CTNNA3: variants seen among roughly 807,000 people sequenced by gnomAD.
CTNNA3 encodes the protein catenin alpha 3, also known as catenin alpha-3.
In CTNNA3, 76 loss-of-function variants were observed where a neutral mutation model predicts 95.7. The observed-to-expected ratio is 0.79, with a 90% CI of 0.66 to 0.96. CTNNA3 has a LOEUF of 0.96. Ranked by LOEUF, CTNNA3 falls within the 40% of genes least tolerant of loss-of-function variation. The pLI is 0.00. For missense variants in CTNNA3, 1,191 were observed against 1,089.8 expected (o/e 1.09, Z -1.31); for synonymous variants, 431 against 374.4 (o/e 1.15, Z -1.74).
At chr10:66,444,659 G>C (rs1315920284) in intron 11 of CTNNA3, among the ~76,000 whole-genome samples, 1 of 152,064 alleles carries the variant, frequency 6.6e-6, no homozygotes, top group Non-Finnish European at 1.5e-5. Context: ...TGCCCTAAAA[G>C]AGCTCCTGAA....
rs1008437831 is a variant in CTNNA3, at chr10:67,540,599, T to A, written c.293-930A>T. ...TATATAGATACATGTTTTATATACATAAATGTATATGTATGTTTTATACAT... is the reference window on the plus strand; with the variant it reads ...TATATAGATACATGTTTTATATACAAAAATGTATATGTATGTTTTATACAT... On this transcript the variant is annotated intron_variant, in intron 3 of 17. Coordinates refer to ENST00000433211, the MANE Select transcript of CTNNA3 (RefSeq NM_013266.4). Among the ~76,000 whole-genome samples, 3 of 152,134 alleles carry A rather than the reference T, an allele frequency of 2.0e-5. No individual in the cohort carries two copies. In the East Asian group the frequency reaches 5.8e-4, roughly 29 times the overall value.
intron 5 of CTNNA3, among the ~76,000 whole-genome samples, chr10:67,510,016 T>C (rs1321770322): frequency 1.3e-5 from 2 of 152,260 alleles, no homozygotes; most frequent in African/African-American, 4.8e-5. Context: ...GTTCATATCC[T>C]TTCCTGACTT....
Position 66,253,162 on chromosome 10 carries a change from T to C in CTNNA3, c.1884+27308A>G, listed in dbSNP as rs115232284. Among the ~76,000 whole-genome samples the C allele has an allele frequency of 7.6e-3, 1,164 of 152,326 alleles. 14 individuals carry two copies. Among genetic ancestry groups the C allele is most frequent in the African/African-American group, 0.027 (1,111 of 41,580 alleles). ...ACATTTTTCCCTTTGTCATCTGATG[T>C]AGACATTTCTAACTGGCTCTCCTGA... On this transcript the variant is annotated intron_variant, in intron 13 of 17. Transcript: ENST00000433211.
At chr10:67,237,169 T>TACAC (rs1564502803) in intron 5 of CTNNA3, among the ~76,000 whole-genome samples, 1 of 117,646 alleles carries the variant, frequency 8.5e-6, no homozygotes, top group Non-Finnish European at 1.8e-5. Context: ...TATATATATA[T>TACAC]ATATACACAC....
At chr10:67,021,330 G>GT (rs1225390051) in intron 7 of CTNNA3, among the ~76,000 whole-genome samples, 1 of 152,042 alleles carries the variant, frequency 6.6e-6, no homozygotes, top group Non-Finnish European at 1.5e-5. Context: ...AGGTTAAAAT[G>GT]TAAGAAGCAC....
At chr10:67,602,554 A>T (rs1564774936) in intron 3 of CTNNA3, among the ~76,000 whole-genome samples, 1 of 152,212 alleles carries the variant, frequency 6.6e-6, no homozygotes, top group Non-Finnish European at 1.5e-5. Context: ...GGTATTTCAC[A>T]CATTATAATA....
At chr10:66,638,984 G>T (rs919695964) in intron 9 of CTNNA3, among the ~76,000 whole-genome samples, 2 of 151,650 alleles carry the variant, frequency 1.3e-5, no homozygotes, top group Non-Finnish European at 2.9e-5. Flanking sequence ...ATATTTATGT[G>T]CAGAGAAATA....
At chr10:67,302,020 AAAG>A (rs1840324964) in intron 5 of CTNNA3, among the ~76,000 whole-genome samples, 1 of 33,542 alleles carries the variant, frequency 3.0e-5, no homozygotes, top group Non-Finnish European at 5.6e-5. Flanking sequence ...AGAAAGAAAG[AAAG>A]AAAGAAAGAA....
intron 11 of CTNNA3, among the ~76,000 whole-genome samples, chr10:66,485,398 C>T (rs932775048): frequency 9.2e-5 from 14 of 152,032 alleles, no homozygotes; most frequent in African/African-American, 3.1e-4. Flanking sequence ...AGTAAAGTTA[C>T]AGGATACAAA....
intron 7 of CTNNA3, among the ~76,000 whole-genome samples, chr10:67,080,909 A>G (rs1196804865): frequency 2.7e-5 from 4 of 148,126 alleles, no homozygotes; most frequent in African/African-American, 5.0e-5. Context: ...ACTCTGTCTG[A>G]AAAAAAACAA....
chr10:66,969,458 A>C (rs1029088817), intron 7 of CTNNA3, among the ~76,000 whole-genome samples: 1 of 152,104 alleles, frequency 6.6e-6, no homozygotes, highest in African/African-American at 2.4e-5. Flanking sequence ...TTGGGGAGAA[A>C]ATTTTAAGCA....
chr10:67,268,987 A>C (rs906216759), intron 5 of CTNNA3, among the ~76,000 whole-genome samples: 1 of 152,232 alleles, frequency 6.6e-6, no homozygotes, highest in Non-Finnish European at 1.5e-5. Context: ...ATAGGATTTG[A>C]ACATCTGAAT....
At chr10:66,865,199 G>GGT (rs566237511) in intron 7 of CTNNA3, among the ~76,000 whole-genome samples, 31,233 of 138,062 alleles carry the variant, frequency 0.23, 3,551 homozygotes, top group African/African-American at 0.32. Flanking sequence ...ACAGGCATGG[G>GGT]GTGTGTGTGT....
At chr10:66,050,338 T>TAAAAAA (rs11382507) in intron 15 of CTNNA3, among the ~76,000 whole-genome samples, 2 of 148,498 alleles carry the variant, frequency 1.3e-5, no homozygotes. Context: ...CACATTTCAG[T>TAAAAAA]AAAAAAAAAA....
chr10:66,024,286 T>C (rs951163280), intron 15 of CTNNA3, among the ~76,000 whole-genome samples: 4 of 151,934 alleles, frequency 2.6e-5, no homozygotes, highest in Admixed American at 2.0e-4. Flanking sequence ...AGACGGGGTT[T>C]CACCGTGTTA....
chr10:66,948,075 G>A (rs1000548690), intron 7 of CTNNA3, among the ~76,000 whole-genome samples: 1 of 152,174 alleles, frequency 6.6e-6, no homozygotes, highest in Non-Finnish European at 1.5e-5. Flanking sequence ...CATAGAAAAG[G>A]TAGGATAAAA....
In CTNNA3 at chr10:67,581,017, G is replaced by A. The variant is rs188583908; in HGVS notation, c.292+25840C>T. On this transcript the variant is annotated intron_variant, in intron 3 of 17. Transcript: ENST00000433211. ...TGTCATCTGCAAACAGAGACAATTT[G>A]ACTTCCTCTTTTCCTAATTGAATAC... Among the ~76,000 whole-genome samples the A allele has an allele frequency of 2.2e-3, 337 of 152,234 alleles. 1 individual carries two copies. Among genetic ancestry groups the A allele is most frequent in the Non-Finnish European group, 3.8e-3 (257 of 68,024 alleles).
chr10:67,702,032 C>T (rs1217958987), intron 1 of CTNNA3, among the ~76,000 whole-genome samples: 1 of 151,930 alleles, frequency 6.6e-6, no homozygotes, highest in Non-Finnish European at 1.5e-5. Flanking sequence ...ACAAAGAAGG[C>T]CATTACATAA....
At chr10:67,531,309 A>T (rs1195114892) in intron 4 of CTNNA3, among the ~76,000 whole-genome samples, 1 of 152,182 alleles carries the variant, frequency 6.6e-6, no homozygotes, top group South Asian at 2.1e-4. Context: ...CCATGAACAC[A>T]GCCAGGAGGA....
Sources: allele counts gnomAD v4.1 joint callset (sites outside exome capture counted in the v4.1 genomes callset), GRCh38; gene constraint gnomAD v4.1.1; transcripts MANE v1.5; gene names NCBI Gene and HGNC (gene_info 2026-07-23, HGNC 2026-07-21).